TBC1D5: variants seen among roughly 807,000 people sequenced by gnomAD.
The protein encoded by TBC1D5 is TBC1 domain family, member 5.
TBC1D5 carries 75 observed loss-of-function variants against 100.3 expected under a neutral mutation model. The ratio of observed to expected loss-of-function variants is 0.75; its 90% confidence interval spans 0.62 to 0.91. The LOEUF is 0.91. Among genes scored for constraint, TBC1D5 ranks in the 40% least tolerant of loss-of-function variants. TBC1D5 has a pLI of 0.00. For missense variants in TBC1D5, 910 were observed against 942.4 expected, an observed-to-expected ratio of 0.97 and a Z score of 0.45; for synonymous variants, 323 against 325.6, an observed-to-expected ratio of 0.99 and a Z score of 0.09.
rs1204706789 is a variant in TBC1D5, at chr3:17,361,582, A to G, written c.995+10493T>C. 2.0e-5 allele frequency among the ~76,000 whole-genome samples: 3 copies of G among 152,186 alleles called. No individual in the cohort carries two copies. The East Asian group carries it at 5.8e-4, about 29-fold the overall frequency. ...TTTAGATCATAATGGAATTTAATAAATTTTTAAAAGATATCAGAATAATTC... is the reference window on the plus strand; with the variant it reads ...TTTAGATCATAATGGAATTTAATAAGTTTTTAAAAGATATCAGAATAATTC... On this transcript the variant is annotated intron_variant, in intron 13 of 21. Coordinates refer to ENST00000253692, the Ensembl canonical transcript of TBC1D5.
At chr3:17,568,356 G>A (rs2096606093) in intron 2 of TBC1D5, among the ~76,000 whole-genome samples, 1 of 151,118 alleles carries the variant, frequency 6.6e-6, no homozygotes, top group Non-Finnish European at 1.5e-5. Flanking sequence ...ACATAGTTTG[G>A]TTAAAAAAAG....
intron 2 of TBC1D5, among the ~76,000 whole-genome samples, chr3:17,594,703 G>T (rs1248817312): frequency 2.0e-5 from 3 of 152,180 alleles, no homozygotes; most frequent in African/African-American, 7.2e-5. Flanking sequence ...AATAGTATTT[G>T]GGTTGGGGAT....
intron 1 of TBC1D5, among the ~76,000 whole-genome samples, chr3:17,670,008 C>T (rs1469471776): frequency 1.3e-5 from 2 of 152,210 alleles, no homozygotes; most frequent in Non-Finnish European, 2.9e-5. Context: ...GCCTCAGCCT[C>T]CCAAATAGCT....
chr3:17,740,459 T>C (rs1232888652), exon 1 of TBC1D5: 1 of 152,216 alleles, frequency 6.6e-6, no homozygotes, highest in East Asian at 1.9e-4. Flanking sequence ...ATTATGGTAC[T>C]AAAAACTTCC....
intron 1 of TBC1D5, among the ~76,000 whole-genome samples, chr3:17,725,321 G>A (rs970784179): frequency 6.6e-6 from 1 of 151,870 alleles, no homozygotes; most frequent in Non-Finnish European, 1.5e-5. Context: ...ACCAGGCAAA[G>A]TAAAATATGA....
chr3:17,614,361 G>A (rs181382573), intron 2 of TBC1D5, among the ~76,000 whole-genome samples: 5 of 152,270 alleles, frequency 3.3e-5, no homozygotes, highest in Admixed American at 1.3e-4. Flanking sequence ...GATTGTCTTC[G>A]CAATGCGGGC....
At chr3:17,248,947 C>A (rs1326629545) in intron 16 of TBC1D5, among the ~76,000 whole-genome samples, 1 of 152,204 alleles carries the variant, frequency 6.6e-6, no homozygotes, top group Non-Finnish European at 1.5e-5. Flanking sequence ...TCACCTTGCA[C>A]TTTAATGTTA....
exon 22 of TBC1D5, chr3:17,157,996 T>C (rs2065738778): frequency 6.6e-6 from 1 of 152,244 alleles, no homozygotes; most frequent in African/African-American, 2.4e-5. Context: ...AGTGATATTA[T>C]TTCTTTCCGG....
At chr3:17,664,039 T>G (rs2066957533) in intron 1 of TBC1D5, among the ~76,000 whole-genome samples, 1 of 152,152 alleles carries the variant, frequency 6.6e-6, no homozygotes, top group Non-Finnish European at 1.5e-5. Flanking sequence ...ACACTGAACT[T>G]TCTAACAATC....
rs139179964 is a variant in TBC1D5 at position 17,200,249 on chromosome 3, T to C, written c.1752+13958A>G. On this transcript the variant is annotated intron_variant, in intron 18 of 21. Transcript: ENST00000253692. Reference sequence around the variant, plus strand: ...TGACTGGAAATGATAAGGCCATAGATAGAACTGTACATAAACACTGTACTA... The same window carrying C: ...TGACTGGAAATGATAAGGCCATAGACAGAACTGTACATAAACACTGTACTA... Among the ~76,000 whole-genome samples the C allele has an allele frequency of 3.3e-4, 51 of 152,350 alleles. No homozygotes were observed. In the East Asian group the frequency reaches 8.5e-3, roughly 25 times the overall value.
At chr3:17,307,931 CA>C in intron 14 of TBC1D5, 60 bp downstream of exon 14, 2 of 1,562,496 alleles carry the variant, frequency 1.3e-6, no homozygotes, top group Middle Eastern at 3.4e-4. Context: ...ATTTAAAAGG[CA>C]AAACATTTTT....
intron 18 of TBC1D5, among the ~76,000 whole-genome samples, chr3:17,185,648 A>G (rs989046945): frequency 6.6e-6 from 1 of 152,030 alleles, no homozygotes; most frequent in Admixed American, 6.6e-5. Context: ...GAAACCAAAG[A>G]TTTCCCTTTT....
chr3:17,661,674 T>C (rs2066668767), intron 1 of TBC1D5, among the ~76,000 whole-genome samples: 1 of 152,036 alleles, frequency 6.6e-6, no homozygotes, highest in Non-Finnish European at 1.5e-5. Context: ...TAATTTTTTA[T>C]ATTTTAGTAC....
intron 4 of TBC1D5, among the ~76,000 whole-genome samples, chr3:17,419,500 T>C (rs988417790): frequency 6.6e-6 from 1 of 152,152 alleles, no homozygotes; most frequent in Admixed American, 6.6e-5. Context: ...TCTAATATAC[T>C]GCAAAAGAAA....
intron 19 of TBC1D5, among the ~76,000 whole-genome samples, chr3:17,176,014 C>G (rs2067684702): frequency 1.3e-5 from 2 of 152,140 alleles, no homozygotes; most frequent in South Asian, 4.1e-4. Flanking sequence ...GCTATTGGAT[C>G]ATTAGCTAAA....
At chr3:17,580,285 C>T (rs1341862649) in intron 2 of TBC1D5, among the ~76,000 whole-genome samples, 1 of 151,960 alleles carries the variant, frequency 6.6e-6, no homozygotes, top group African/African-American at 2.4e-5. Context: ...ATTCCATTAA[C>T]AGAATTTTTT....
Position 17,436,759 on chromosome 3 carries a change from G to A in TBC1D5, c.98-8240C>T, listed in dbSNP as rs1051939521. On this transcript the variant is annotated intron_variant, in intron 3 of 21. Coordinates refer to ENST00000253692, the Ensembl canonical transcript of TBC1D5. The stretch of plus-strand genomic sequence containing the variant: ...TAAAAGATAAAAAACTAAAACCATG[G>A]TCAGTCTATCAATAAACTAAAACTA... Among the ~76,000 whole-genome samples the A allele has an allele frequency of 3.3e-5, 5 of 152,118 alleles. No homozygotes were observed. In the East Asian group the frequency reaches 5.8e-4, roughly 18 times the overall value.
chr3:17,474,201 T>C (rs554959093), intron 3 of TBC1D5, among the ~76,000 whole-genome samples: 15 of 152,292 alleles, frequency 9.8e-5, no homozygotes, highest in African/African-American at 2.9e-4. Context: ...TTATATAATT[T>C]ACAAAATTAG....
chr3:17,159,866 G>A (rs998427800), exon 22 of TBC1D5: 1 of 152,226 alleles, frequency 6.6e-6, no homozygotes, highest in Non-Finnish European at 1.5e-5. Flanking sequence ...CATGTGGAAT[G>A]TTCTCTAGGT....
Sources: allele counts gnomAD v4.1 joint callset (sites outside exome capture counted in the v4.1 genomes callset), GRCh38; gene constraint gnomAD v4.1.1; transcripts MANE v1.5; gene names NCBI Gene and HGNC (gene_info 2026-07-23, HGNC 2026-07-21).